NRG3: variants seen among roughly 807,000 people sequenced by gnomAD.
The protein encoded by NRG3 is pro-neuregulin-3, membrane-bound isoform.
In NRG3, 31 loss-of-function variants were observed where a neutral mutation model predicts 66.9. The observed-to-expected ratio is 0.46, with a 90% CI of 0.35 to 0.63. The LOEUF (loss-of-function observed/expected upper bound fraction) is 0.63. Ranked by LOEUF, NRG3 falls within the 20% of genes least tolerant of loss-of-function variation. The probability of loss-of-function intolerance (pLI) is 0.00; values close to 1 mark genes in which losing one functional copy is unlikely to be tolerated. For synonymous variants in NRG3, 393 were observed against 359.4 expected (o/e 1.09, Z -1.06); for missense variants, 910 against 878.9 (o/e 1.04, Z -0.45).
chr10:82,320,915 G>A (rs531768979), intron 1 of NRG3, among the ~76,000 whole-genome samples: 1 of 152,254 alleles, frequency 6.6e-6, no homozygotes, highest in Non-Finnish European at 1.5e-5. Flanking sequence ...GAGCACGAGA[G>A]CTCCATCACC....
intron 1 of NRG3, among the ~76,000 whole-genome samples, chr10:81,892,559 T>TA (rs1490653278): frequency 6.6e-6 from 1 of 152,070 alleles, no homozygotes; most frequent in African/African-American, 2.4e-5. Context: ...TATTTCCTGT[T>TA]ACGTTGGTTG....
In NRG3 at chr10:82,374,026, G is replaced by C. The variant is rs542849742; in HGVS notation, c.953+15158G>C. Among the ~76,000 whole-genome samples the C allele has an allele frequency of 2.6e-5, 4 of 152,210 alleles. No individual in the cohort carries two copies. In the South Asian group the frequency reaches 8.3e-4, roughly 32 times the overall value. On this transcript the variant is annotated intron_variant, in intron 2 of 8. Transcript: ENST00000372141. The stretch of plus-strand genomic sequence containing the variant: ...CTCCCACTAGGCTTTGAGTTCATCT[G>C]TGCTTCCGGAACCTACCACCTACTC...
intron 3 of NRG3, among the ~76,000 whole-genome samples, chr10:82,842,847 C>T (rs73309170): frequency 0.051 from 7,704 of 152,216 alleles, 267 homozygotes; most frequent in African/African-American, 0.097. Flanking sequence ...CAGCCTGTGG[C>T]GTAGCTGGGA....
intron 1 of NRG3, among the ~76,000 whole-genome samples, chr10:82,193,226 T>G (rs1283875004): frequency 3.3e-5 from 5 of 152,196 alleles, no homozygotes; most frequent in Admixed American, 3.3e-4. Flanking sequence ...CACTGCAACC[T>G]CTGTCTCCTG....
intron 1 of NRG3, among the ~76,000 whole-genome samples, chr10:82,296,840 G>A (rs905361193): frequency 2.6e-5 from 4 of 151,638 alleles, no homozygotes; most frequent in Non-Finnish European, 5.9e-5. Context: ...GGTATATTTG[G>A]TGATGCTGGG....
At chr10:82,535,870 C>T (rs1394213561) in intron 2 of NRG3, among the ~76,000 whole-genome samples, 2 of 150,122 alleles carry the variant, frequency 1.3e-5, no homozygotes, top group Non-Finnish European at 3.0e-5. Flanking sequence ...TAGTTTGCAA[C>T]AATTCAAAAT....
chr10:82,589,679 T>A (rs1280710162), intron 2 of NRG3, among the ~76,000 whole-genome samples: 1 of 152,146 alleles, frequency 6.6e-6, no homozygotes, highest in Non-Finnish European at 1.5e-5. Flanking sequence ...GGGAGGTAAA[T>A]GCATAGTTCC....
At chr10:82,407,567 A>G (rs2087616252) in intron 2 of NRG3, among the ~76,000 whole-genome samples, 1 of 152,204 alleles carries the variant, frequency 6.6e-6, no homozygotes, top group African/African-American at 2.4e-5. Context: ...AAGACACACA[A>G]AATAATGCCT....
chr10:82,752,228 T>C (rs2058894667), intron 3 of NRG3, among the ~76,000 whole-genome samples: 2 of 152,160 alleles, frequency 1.3e-5, no homozygotes, highest in African/African-American at 4.8e-5. Flanking sequence ...GAATTTAATT[T>C]TTAGGATAGT....
intron 3 of NRG3, among the ~76,000 whole-genome samples, chr10:82,742,982 G>T (rs2058492058): frequency 6.6e-6 from 1 of 152,072 alleles, no homozygotes; most frequent in Non-Finnish European, 1.5e-5. Context: ...TGGAAGCATG[G>T]GGGATGCTGC....
intron 2 of NRG3, among the ~76,000 whole-genome samples, chr10:82,712,173 G>A (rs1363379750): frequency 6.9e-6 from 1 of 145,648 alleles, no homozygotes; most frequent in Admixed American, 7.1e-5. Flanking sequence ...CTAAATATAT[G>A]TTATTGGAAT....
At chr10:82,329,779 A>T (rs2082052614) in intron 1 of NRG3, among the ~76,000 whole-genome samples, 1 of 152,058 alleles carries the variant, frequency 6.6e-6, no homozygotes, top group Admixed American at 6.6e-5. Context: ...ATCTTTTCTT[A>T]TATGTCATCA....
chr10:82,859,074 G>C (rs2063971519), intron 3 of NRG3: 2 of 151,430 alleles, frequency 1.3e-5, no homozygotes, highest in South Asian at 2.1e-4. Flanking sequence ...AGCCTCCCGA[G>C]TAGCTGGGAC....
chr10:82,953,509 ATGGT>A (rs1464006713), intron 5 of NRG3, among the ~76,000 whole-genome samples: 1 of 151,912 alleles, frequency 6.6e-6, no homozygotes, highest in Non-Finnish European at 1.5e-5. Flanking sequence ...ATCTGGCATA[ATGGT>A]CAGGGTTGTA....
chr10:82,915,118 A>G (rs192175594), intron 4 of NRG3, among the ~76,000 whole-genome samples: 6 of 152,310 alleles, frequency 3.9e-5, no homozygotes, highest in Admixed American at 2.6e-4. Flanking sequence ...CCAGTGTCCA[A>G]CTGTTAGTCA....
At chr10:82,225,088 G>A (rs552918863) in intron 1 of NRG3, among the ~76,000 whole-genome samples, 2 of 151,976 alleles carry the variant, frequency 1.3e-5, no homozygotes, top group East Asian at 3.9e-4. Context: ...TTTCAAATGT[G>A]TTTACTAGGA....
chr10:82,252,839 C>T (rs2077548961), intron 1 of NRG3, among the ~76,000 whole-genome samples: 2 of 152,126 alleles, frequency 1.3e-5, no homozygotes, highest in African/African-American at 4.8e-5. Flanking sequence ...CATTGAGTTT[C>T]ACACCTGGCT....
At chr10:82,712,232 G>C (rs1251817433) in intron 2 of NRG3, among the ~76,000 whole-genome samples, 1 of 151,972 alleles carries the variant, frequency 6.6e-6, no homozygotes, top group South Asian at 2.1e-4. Context: ...GATTAATAAA[G>C]TTCACTATTA....
At chr10:81,916,743 C>T (rs1024353396) in intron 1 of NRG3, among the ~76,000 whole-genome samples, 3 of 152,148 alleles carry the variant, frequency 2.0e-5, no homozygotes, top group Non-Finnish European at 4.4e-5. Context: ...GTATTTGAGG[C>T]ACATCTTTTC....
Sources: gnomAD v4.1 joint callset for allele counts (sites outside exome capture counted in the v4.1 genomes callset) on GRCh38, gnomAD v4.1.1 for gene constraint, MANE v1.5 for transcripts, NCBI Gene and HGNC (gene_info 2026-07-23, HGNC 2026-07-21) for gene names.